AFF3: variants seen among roughly 807,000 people sequenced by gnomAD.
The protein encoded by AFF3 is ALF transcription elongation factor 3, also known as AF4/FMR2 family member 3.
In AFF3, 32 loss-of-function variants were observed where a neutral mutation model predicts 129.7. That is an observed-to-expected ratio of 0.25 (90% CI 0.19 to 0.33). AFF3 has a LOEUF of 0.33. Ranked by LOEUF, AFF3 falls within the 10% of genes least tolerant of loss-of-function variation. The pLI, the probability that AFF3 is intolerant of heterozygous loss-of-function variation, is 1.00. For missense variants in AFF3, 1,373 were observed against 1,592.0 expected (o/e 0.86, Z 2.34); for synonymous variants, 644 against 635.4 (o/e 1.01, Z -0.20).
chr2:99,737,803 T>A (rs1217054951), intron 10 of AFF3, among the ~76,000 whole-genome samples: 1 of 152,000 alleles, frequency 6.6e-6, no homozygotes, highest in African/African-American at 2.4e-5. Context: ...TTCCCCACTT[T>A]ATCTCCATGT....
rs1486049507 is a variant in AFF3 at position 99,917,444 on chromosome 2, C to T, written c.874-79920G>A. On this transcript the variant is annotated intron_variant, in intron 7 of 24. Transcript: ENST00000672756. ...AAGAGACTCTGCATACTCACACTAACACTTATAACAGGGAATGTGGATTCT... is the reference window on the plus strand; with the variant it reads ...AAGAGACTCTGCATACTCACACTAATACTTATAACAGGGAATGTGGATTCT... Among the ~76,000 whole-genome samples, 16 of 152,172 alleles carry T rather than the reference C, an allele frequency of 1.1e-4. No homozygotes were observed. The East Asian group carries it at 2.9e-3, about 27-fold the overall frequency.
chr2:99,560,690 T>C (rs562746240), intron 20 of AFF3, among the ~76,000 whole-genome samples: 88 of 152,302 alleles, frequency 5.8e-4, no homozygotes, highest in South Asian at 3.7e-3. Context: ...ATGCTACAGA[T>C]TGTCGGGAGT....
chr2:99,804,353 C>T (rs1197521072), intron 8 of AFF3, among the ~76,000 whole-genome samples: 4 of 152,162 alleles, frequency 2.6e-5, no homozygotes, highest in Non-Finnish European at 5.9e-5. Context: ...CATCAGTAAT[C>T]ATCAGGGAAA....
At chr2:99,788,234 T>A (rs545837675) in intron 8 of AFF3, among the ~76,000 whole-genome samples, 2 of 152,200 alleles carry the variant, frequency 1.3e-5, no homozygotes, top group African/African-American at 4.8e-5. Context: ...GCACTCCTTC[T>A]ACTCATTAAA....
At chr2:99,700,154 TC>T (rs1676707508) in intron 11 of AFF3, among the ~76,000 whole-genome samples, 1 of 151,302 alleles carries the variant, frequency 6.6e-6, no homozygotes, top group African/African-American at 2.4e-5. Context: ...GAAGTCTCGC[TC>T]TGTCGCCCAG....
chr2:100,067,040 G>A (rs1687776923), intron 4 of AFF3, among the ~76,000 whole-genome samples: 1 of 152,126 alleles, frequency 6.6e-6, no homozygotes, highest in Non-Finnish European at 1.5e-5. Flanking sequence ...TTCAACTCCA[G>A]GGTTATGCCC....
intron 13 of AFF3, among the ~76,000 whole-genome samples, chr2:99,623,334 G>A (rs1233877343): frequency 6.6e-6 from 1 of 152,028 alleles, no homozygotes; most frequent in African/African-American, 2.4e-5. Context: ...AAAATACAAA[G>A]GTTCCTCCTT....
chr2:99,653,616 G>A (rs2105667832), intron 12 of AFF3, among the ~76,000 whole-genome samples: 1 of 152,314 alleles, frequency 6.6e-6, no homozygotes, highest in Non-Finnish European at 1.5e-5. Context: ...GGCACCTGTT[G>A]GCAATGCCAC....
intron 8 of AFF3, among the ~76,000 whole-genome samples, chr2:99,804,911 T>C (rs1173746788): frequency 4.6e-5 from 7 of 151,774 alleles, no homozygotes. Context: ...AGTGGGAAAA[T>C]GGACTTTGGA....
At chr2:99,725,216 G>A (rs1363369729) in intron 11 of AFF3, among the ~76,000 whole-genome samples, 11 of 151,846 alleles carry the variant, frequency 7.2e-5, no homozygotes, top group African/African-American at 2.2e-4. Context: ...CTCGTGATCC[G>A]CCCCCCTTGG....
chr2:99,558,903 T>C lies in AFF3; in HGVS notation c.3257A>G (p.Tyr1086Cys). The C allele has an allele frequency of 6.2e-7, 1 of 1,614,150 alleles. No homozygotes were observed. Among genetic ancestry groups the C allele is most frequent in the Non-Finnish European group, 8.5e-7 (1 of 1,179,992 alleles). The change falls in exon 22 of 25, where the codon TAT (tyrosine) becomes TGT (cysteine). Residue 1086 changes from tyrosine to cysteine, a missense_variant. Coordinates refer to ENST00000672756, the MANE Select transcript of AFF3 (RefSeq NM_001386135.1). ...FRLKRDHAVKYSKALIDYFKN... is the reference protein window; with the variant it reads ...FRLKRDHAVKCSKALIDYFKN... ...GAAATAGTCGATTAGTGCTTTTGAA[T>C]ACTTTACAGCGTGGTCCCTTTTGAG...
intron 7 of AFF3, among the ~76,000 whole-genome samples, chr2:99,966,404 G>A (rs558427607): frequency 1.3e-5 from 2 of 152,224 alleles, no homozygotes; most frequent in East Asian, 3.9e-4. Flanking sequence ...AAAAGAAAAT[G>A]AAGAGGCCGG....
At chr2:99,726,175 T>C (rs1679345529) in intron 11 of AFF3, among the ~76,000 whole-genome samples, 1 of 152,246 alleles carries the variant, frequency 6.6e-6, no homozygotes, top group African/African-American at 2.4e-5. Context: ...TCTTATGAAA[T>C]ACACAGCTCT....
intron 13 of AFF3, among the ~76,000 whole-genome samples, chr2:99,618,799 G>C (rs1374103188): frequency 6.6e-6 from 1 of 152,202 alleles, no homozygotes; most frequent in Non-Finnish European, 1.5e-5. Context: ...AGATTGCACA[G>C]CAAGTGAGTT....
intron 17 of AFF3, among the ~76,000 whole-genome samples, chr2:99,579,127 T>C (rs1324460368): frequency 6.6e-6 from 1 of 152,170 alleles, no homozygotes. Context: ...ATAAATCGAC[T>C]GGGCACGGTG....
chr2:99,974,193 T>A, intron 7 of AFF3, among the ~76,000 whole-genome samples: 1 of 152,188 alleles, frequency 6.6e-6, no homozygotes, highest in East Asian at 1.9e-4. Context: ...TCCCCCTAAG[T>A]GAAATGTGAT....
At chr2:100,082,066 G>C (rs1379934358) in intron 4 of AFF3, among the ~76,000 whole-genome samples, 4 of 151,990 alleles carry the variant, frequency 2.6e-5, no homozygotes, top group African/African-American at 9.7e-5. Context: ...TTTAATACCT[G>C]GTTTCTTGAA....
intron 13 of AFF3, among the ~76,000 whole-genome samples, chr2:99,648,917 A>ACACTCTCTCTCTCTCTCTCT: frequency 2.1e-5 from 1 of 46,940 alleles, no homozygotes; most frequent in African/African-American, 6.4e-5. Context: ...ACACACACAC[A>ACACTCTCTCTCTCTCTCTCT]CTCTCTCTCT....
Position 99,594,283 on chromosome 2 carries a change from G to T in AFF3, c.1378C>A (p.Pro460Thr). 1 of 1,603,574 alleles carries T rather than the reference G, an allele frequency of 6.2e-7. No homozygotes were observed. Among genetic ancestry groups the T allele is most frequent in the Non-Finnish European group, 8.5e-7 (1 of 1,172,378 alleles). Reference protein sequence around the residue: ...PPHFSSPEAEPASSNKWQLDK... With the variant: ...PPHFSSPEAETASSNKWQLDK... ...AGCTGCCACTTGTTAGAGGATGCCG[G>T]TTCAGCCTGAAAGCAGAAAACCGGT... Residue 460 changes from proline to threonine, a missense_variant, in exon 15 of 25, where the codon CCG becomes ACG. Pro to Thr is a conservative substitution (Grantham distance 38). Coordinates refer to ENST00000672756, the MANE Select transcript of AFF3 (RefSeq NM_001386135.1).
Sources: gnomAD v4.1 joint callset for allele counts (sites outside exome capture counted in the v4.1 genomes callset) on GRCh38, gnomAD v4.1.1 for gene constraint, MANE v1.5 for transcripts, NCBI Gene and HGNC (gene_info 2026-07-23, HGNC 2026-07-21) for gene names.